TLL2: variants seen among roughly 807,000 people sequenced by gnomAD.
TLL2 encodes tolloid-like protein 2.
In TLL2, 106 loss-of-function variants were observed where a neutral mutation model predicts 123.0. The ratio of observed to expected loss-of-function variants is 0.86; its 90% confidence interval spans 0.74 to 1.01. TLL2 has a LOEUF of 1.01. TLL2 is among the 50% of genes least tolerant of loss of function. The pLI, the probability that TLL2 is intolerant of heterozygous loss-of-function variation, is 0.00. For synonymous variants in TLL2, 494 were observed against 516.8 expected (o/e 0.96, Z 0.60); for missense variants, 1,332 against 1,336.7 (o/e 1.00, Z 0.06).
chr10:96,399,930 G>A (rs1289042163), intron 10 of TLL2, among the ~76,000 whole-genome samples: 2 of 152,212 alleles, frequency 1.3e-5, no homozygotes, highest in Non-Finnish European at 2.9e-5. Context: ...TACTCGGCAG[G>A]AGGCAGGAAT....
intron 6 of TLL2, 70 bp downstream of exon 6, chr10:96,422,479 C>T (rs1284015301): frequency 1.9e-6 from 3 of 1,571,808 alleles, no homozygotes; most frequent in Non-Finnish European, 2.6e-6. Context: ...CCCCTCCTTC[C>T]CTCCCTCCTG....
At chr10:96,424,147 C>G (rs1476848343) in intron 5 of TLL2, among the ~76,000 whole-genome samples, 1 of 151,770 alleles carries the variant, frequency 6.6e-6, no homozygotes, top group Non-Finnish European at 1.5e-5. Flanking sequence ...AGGATGGTTA[C>G]TGGAGGCTGG....
Position 96,397,292 on chromosome 10 carries a change from A to C in TLL2, c.1278T>G (p.Cys426Trp). Residue 426 changes from cysteine (C) to tryptophan (W), a missense_variant, in exon 11 of 21, where the codon TGT becomes TGG. Physicochemically the swap from Cys to Trp is radical, Grantham distance 215. Coordinates refer to ENST00000357947, the MANE Select transcript of TLL2 (RefSeq NM_012465.4). ...CGAGGGGCTCCGGGATCTTATCGCC[A>C]CAAAACCTGCCTGGAAAGTGGAAAA... is the stretch of plus-strand genomic sequence containing the variant. ...WRKAPLLGRF[C>W]GDKIPEPLVS... The C allele has an allele frequency of 6.2e-6, 10 of 1,612,524 alleles. No homozygotes were observed. The highest frequency in any genetic ancestry group is 8.5e-6 in the Non-Finnish European group (10 of 1,179,150).
intron 9 of TLL2, among the ~76,000 whole-genome samples, chr10:96,406,645 T>C (rs546394096): frequency 6.6e-6 from 1 of 152,270 alleles, no homozygotes; most frequent in Admixed American, 6.5e-5. Context: ...TTTGGCCTTG[T>C]GCCCCATGAC....
At chr10:96,465,341 C>G (rs996639612) in intron 2 of TLL2, among the ~76,000 whole-genome samples, 1 of 152,220 alleles carries the variant, frequency 6.6e-6, no homozygotes, top group Non-Finnish European at 1.5e-5. Flanking sequence ...GGTCCCACCT[C>G]ACTGATTGAC....
intron 2 of TLL2, among the ~76,000 whole-genome samples, chr10:96,477,037 T>G (rs1847265492): frequency 7.2e-6 from 1 of 138,460 alleles, no homozygotes. Flanking sequence ...CTGGACTTTT[T>G]TTTTTTTTTT....
At chr10:96,500,923 T>G (rs1847528296) in intron 1 of TLL2, among the ~76,000 whole-genome samples, 1 of 152,174 alleles carries the variant, frequency 6.6e-6, no homozygotes. Context: ...TAAATTGGTT[T>G]TGTATAAGAA....
At chr10:96,454,011 G>GCGCA in intron 2 of TLL2, among the ~76,000 whole-genome samples, 1 of 149,944 alleles carries the variant, frequency 6.7e-6, no homozygotes, top group East Asian at 2.0e-4. Context: ...GTGTGCGCCT[G>GCGCA]CACACACACA....
chr10:96,422,579 C>G lies in TLL2; in HGVS notation c.787G>C (p.Val263Leu). The G allele has an allele frequency of 6.2e-7, 1 of 1,614,186 alleles. No individual in the cohort carries two copies. Among genetic ancestry groups the G allele is most frequent in the African/African-American group, 1.3e-5 (1 of 75,050 alleles). The change falls in exon 6 of 21, where the codon GTC (valine) becomes CTC (leucine). Residue 263 changes from valine (V) to leucine (L), a missense_variant. Transcript: ENST00000357947. ...EHTRPDRDQH[V>L]TIIRENIQPG... ...TGGATGTTTTCCCTGATGATGGTGA[C>G]ATGTTGGTCTCTGTCTGGCCGGGTG...
intron 19 of TLL2, among the ~76,000 whole-genome samples, chr10:96,372,067 T>A (rs529467928): frequency 4.6e-5 from 7 of 152,280 alleles, no homozygotes; most frequent in South Asian, 2.1e-4. Context: ...ATAATGACTC[T>A]GAATGTGCCC....
intron 10 of TLL2, among the ~76,000 whole-genome samples, chr10:96,399,063 G>A (rs1011321099): frequency 2.0e-5 from 3 of 151,692 alleles, no homozygotes; most frequent in Non-Finnish European, 4.4e-5. Flanking sequence ...AGTAGAGATG[G>A]GGTTTCACCG....
intron 2 of TLL2, among the ~76,000 whole-genome samples, chr10:96,446,392 C>T (rs1489425637): frequency 6.6e-6 from 1 of 152,184 alleles, no homozygotes; most frequent in African/African-American, 2.4e-5. Context: ...ACACATCAGT[C>T]GCAAATTAAT....
intron 1 of TLL2, among the ~76,000 whole-genome samples, chr10:96,481,996 G>A (rs1384324201): frequency 2.0e-5 from 3 of 152,308 alleles, no homozygotes; most frequent in South Asian, 2.1e-4. Flanking sequence ...GGTGGCTCAC[G>A]CCTGTAATCC....
chr10:96,513,721 G>C lies in TLL2; in HGVS notation c.-36C>G, dbSNP rs1275058582. Reference sequence around the variant, plus strand: ...GGCCGGCTGGGGCAGAGGGAGTTGCGTGCACGAAAGCTCAGCTCGGCCGAA... The same window carrying C: ...GGCCGGCTGGGGCAGAGGGAGTTGCCTGCACGAAAGCTCAGCTCGGCCGAA... On this transcript the variant is annotated 5_prime_UTR_variant, in exon 1 of 21. Coordinates refer to ENST00000357947, the MANE Select transcript of TLL2 (RefSeq NM_012465.4). The C allele has an allele frequency of 6.9e-7, 1 of 1,459,390 alleles. No individual in the cohort carries two copies. Among genetic ancestry groups the C allele is most frequent in the Non-Finnish European group, 9.0e-7 (1 of 1,110,420 alleles). 90.4% of individuals were successfully genotyped at this position (1,459,390 alleles called of 1,614,324 possible).
chr10:96,463,737 T>A (rs1238749891), intron 2 of TLL2, among the ~76,000 whole-genome samples: 1 of 152,238 alleles, frequency 6.6e-6, no homozygotes, highest in Non-Finnish European at 1.5e-5. Flanking sequence ...CAGGATGCCA[T>A]CTAGCAGGGC....
At position 96,364,874 on chromosome 10, in the gene TLL2, T is replaced by C. The variant is rs1005190865; in HGVS notation, c.*3214A>G. On this transcript the variant is annotated 3_prime_UTR_variant, in exon 21 of 21. Transcript: ENST00000357947. The stretch of plus-strand genomic sequence containing the variant: ...AGCCAAGGGAACATTTGTTCACAAA[T>C]GGAACGCTAACAATACCAATCTGAA... 2 of 152,304 alleles carry C rather than the reference T, an allele frequency of 1.3e-5. No homozygotes were observed. The highest frequency in any genetic ancestry group is 2.9e-5 in the Non-Finnish European group (2 of 68,036). 9.4% of individuals were successfully genotyped at this position (152,304 alleles called of 1,614,324 possible). A position where few individuals can be genotyped will look rare whatever the true frequency, so the allele number is the denominator to read the frequency against.
intron 2 of TLL2, among the ~76,000 whole-genome samples, chr10:96,474,240 A>G (rs1005129844): frequency 6.6e-6 from 1 of 152,136 alleles, no homozygotes; most frequent in Non-Finnish European, 1.5e-5. Flanking sequence ...TGCGGCTGCC[A>G]CATCCTCCAG....
intron 11 of TLL2, among the ~76,000 whole-genome samples, chr10:96,396,672 C>G (rs1846345082): frequency 6.7e-6 from 1 of 150,098 alleles, no homozygotes; most frequent in Admixed American, 6.7e-5. Flanking sequence ...AGCACCATCA[C>G]CTGGTGGCAG....
At chr10:96,480,266 G>A (rs750657885) in intron 2 of TLL2, 83 bp downstream of exon 2, 76 of 1,146,200 alleles carry the variant, frequency 6.6e-5, no homozygotes, top group African/African-American at 6.0e-4. Flanking sequence ...GTCAAACACC[G>A]ATGACTCGTG....
Sources: allele counts gnomAD v4.1 joint callset (sites outside exome capture counted in the v4.1 genomes callset), GRCh38; gene constraint gnomAD v4.1.1; transcripts MANE v1.5; gene names NCBI Gene and HGNC (gene_info 2026-07-23, HGNC 2026-07-21).